SS18L1: variants seen among roughly 807,000 people sequenced by gnomAD.
SS18L1 encodes SS18L1 subunit of BAF chromatin remodeling complex.
In SS18L1, 32 loss-of-function variants were observed where a neutral mutation model predicts 70.3. The ratio of observed to expected loss-of-function variants is 0.46; its 90% CI spans 0.34 to 0.61. SS18L1 has a LOEUF of 0.61. Among genes scored for constraint, SS18L1 ranks in the 20% least tolerant of loss-of-function variants. SS18L1 has a pLI of 0.01. For synonymous variants in SS18L1, 237 were observed against 229.7 expected (o/e 1.03, Z -0.29); for missense variants, 430 against 542.1 (o/e 0.79, Z 2.05).
At position 62,179,248 on chromosome 20, in the gene SS18L1, TCATCC is replaced by T. The variant is rs1464809702; in HGVS notation, c.*41_*45del. On this transcript the variant is annotated 3_prime_UTR_variant, in exon 11 of 11. Transcript: ENST00000331758. ...GGCTGGAGCCCTTGTGGTAGCGTGT[TCATCC>T]AGGGGCCGGATGGGCTGGCGGCAGC... is the stretch of plus-strand genomic sequence containing the variant. The T allele has an allele frequency of 6.2e-7, 1 of 1,613,592 alleles. No individual in the cohort carries two copies. The highest frequency in any genetic ancestry group is 8.5e-7 in the Non-Finnish European group (1 of 1,179,522).
intron 9 of SS18L1, among the ~76,000 whole-genome samples, chr20:62,173,274 G>A (rs1379090322): frequency 6.6e-6 from 1 of 152,164 alleles, no homozygotes; most frequent in Non-Finnish European, 1.5e-5. Context: ...GAAAAATAAG[G>A]TGTGGGCTGC....
At chr20:62,145,874 C>T (rs1478506723) in intron 1 of SS18L1, among the ~76,000 whole-genome samples, 3 of 152,204 alleles carry the variant, frequency 2.0e-5, no homozygotes, top group Non-Finnish European at 4.4e-5. Context: ...CAGACGTGTG[C>T]TGTGTCCACA....
chr20:62,155,211 G>A (rs2057201463), intron 1 of SS18L1, among the ~76,000 whole-genome samples: 1 of 152,070 alleles, frequency 6.6e-6, no homozygotes, highest in East Asian at 1.9e-4. Context: ...GACCAGCCTG[G>A]GCAACACAGG....
chr20:62,160,299 AGGTGGGGTGG>A (rs1261457622), intron 3 of SS18L1, among the ~76,000 whole-genome samples: 1 of 59,478 alleles, frequency 1.7e-5, no homozygotes, highest in African/African-American at 1.1e-4. Context: ...GGGTGGGGAG[AGGTGGGGTGG>A]GGTGGGGAGA....
At chr20:62,178,109 T>C (rs1038130918) in intron 10 of SS18L1, among the ~76,000 whole-genome samples, 1 of 134,156 alleles carries the variant, frequency 7.5e-6, no homozygotes, top group Non-Finnish European at 1.6e-5. Flanking sequence ...AGCCTCAACC[T>C]CCGGGGCATG....
Position 62,159,725 on chromosome 20 carries a change from C to A in SS18L1, c.147-152C>A. The A allele has an allele frequency of 1.4e-6, 1 of 706,994 alleles. No individual in the cohort carries two copies. Among genetic ancestry groups the A allele is most frequent in the Non-Finnish European group, 2.3e-6 (1 of 434,170 alleles). 43.8% of individuals were successfully genotyped at this position (706,994 alleles called of 1,614,324 possible). A position where few individuals can be genotyped will look rare whatever the true frequency, so the allele number is the denominator to read the frequency against. ...GAGACCCCAGCACCCTGCCACCTGC[C>A]TGTGTCCAGCTGGGTGTCATCTGGG... On this transcript the variant is annotated intron_variant, in intron 2 of 10. Transcript: ENST00000331758. This position sits in a 1 kb window ranked among gnomAD's most constrained non-coding sequence, Gnocchi z 4.4.
intron 1 of SS18L1, among the ~76,000 whole-genome samples, chr20:62,148,175 GA>G (rs1442386946): frequency 6.6e-6 from 1 of 152,262 alleles, no homozygotes. Flanking sequence ...CCTCATTCCG[GA>G]GCCTGGGCTC....
At chr20:62,167,815 C>CTTT (rs371641183) in intron 8 of SS18L1, among the ~76,000 whole-genome samples, 1 of 144,516 alleles carries the variant, frequency 6.9e-6, no homozygotes, top group Non-Finnish European at 1.5e-5. Flanking sequence ...GATGTAGCTA[C>CTTT]TTTTTTTTTT....
chr20:62,169,154 G>A (rs896076350), intron 8 of SS18L1, among the ~76,000 whole-genome samples: 1 of 152,236 alleles, frequency 6.6e-6, no homozygotes, highest in Non-Finnish European at 1.5e-5. Flanking sequence ...AGCCCCTCGT[G>A]ACCTGGCATC....
chr20:62,176,776 G>A (rs1009941760), intron 10 of SS18L1, among the ~76,000 whole-genome samples: 1 of 149,988 alleles, frequency 6.7e-6, no homozygotes, highest in East Asian at 1.9e-4. Context: ...CAGCCTGGGC[G>A]ACAGAGAGAC....
chr20:62,164,686 C>T lies in SS18L1; in HGVS notation c.823+440C>T, dbSNP rs112976899. ...TCATCTCTGCAGAGTATTTTACCGT[C>T]GTCACCTTTCAGTCTTTGCATAGTC... On this transcript the variant is annotated intron_variant, in intron 7 of 10. Coordinates refer to ENST00000331758, the MANE Select transcript of SS18L1 (RefSeq NM_198935.3). 4.7e-4 allele frequency among the ~76,000 whole-genome samples: 72 copies of T among 152,298 alleles called. 1 individual carries two copies. The highest frequency in any genetic ancestry group is 3.4e-3 in the Middle Eastern group (1 of 294).
At chr20:62,144,277 G>T (rs2056980649) in intron 1 of SS18L1, among the ~76,000 whole-genome samples, 1 of 152,220 alleles carries the variant, frequency 6.6e-6, no homozygotes, top group Non-Finnish European at 1.5e-5. Flanking sequence ...CGGGGCCGGA[G>T]CCGCGGCGAG....
At chr20:62,165,542 C>T (rs376044665) in intron 8 of SS18L1, 28 bp downstream of exon 8, 22 of 1,275,144 alleles carry the variant, frequency 1.7e-5, no homozygotes, top group Admixed American at 1.6e-4. Context: ...GTGCTGGGCT[C>T]GAGCGTAAGC....
chr20:62,182,017 A>G lies in SS18L1; in HGVS notation c.*2809A>G, dbSNP rs1026669878. On this transcript the variant is annotated 3_prime_UTR_variant, in exon 11 of 11. Transcript: ENST00000331758. ...ATTGGTATGCAAAAGCTCATCACCCATTAAGGTTTGTTGTTGAATCAACAG... is the reference window on the plus strand; with the variant it reads ...ATTGGTATGCAAAAGCTCATCACCCGTTAAGGTTTGTTGTTGAATCAACAG... 4.4e-6 allele frequency: 1 copy of G among 229,228 alleles called. No individual in the cohort carries two copies. Among genetic ancestry groups the G allele is most frequent in the South Asian group, 1.8e-4 (1 of 5,494 alleles). The allele number at this position is 229,228 out of a possible 1,614,324, so 14.2% of individuals were successfully genotyped here. A position where few individuals can be genotyped will look rare whatever the true frequency, so the allele number is the denominator to read the frequency against.
chr20:62,164,251 G>A lies in SS18L1; in HGVS notation c.823+5G>A. 6.5e-7 allele frequency: 1 copy of A among 1,545,470 alleles called. No homozygotes were observed. The highest frequency in any genetic ancestry group is 8.7e-7 in the Non-Finnish European group (1 of 1,144,590). ...GCCAGCAGTACTACCCCGACGGTGA[G>A]CACTGGCGGCGGCCTGACCCCGCCC... On this transcript the variant is annotated splice_donor_5th_base_variant and intron_variant, in intron 7 of 10. Transcript: ENST00000331758.
chr20:62,160,022 T>G, intron 3 of SS18L1, 61 bp downstream of exon 3: 1 of 1,509,408 alleles, frequency 6.6e-7, no homozygotes, highest in Non-Finnish European at 9.0e-7. Context: ...CTGCCTAAGA[T>G]CGGAATTGTG....
At position 62,158,148 on chromosome 20, in the gene SS18L1, C is replaced by T. The variant is rs2057256830; in HGVS notation, c.70-524C>T. On this transcript the variant is annotated intron_variant, in intron 1 of 10. Transcript: ENST00000331758. This position sits in a 1 kb window ranked among gnomAD's most constrained non-coding sequence, Gnocchi z 4.5. ...AGGGTCCTGACATCCTTGCCATCGG[C>T]TTGGCTGACCCTTGCTGCACAGATG... 6.6e-6 allele frequency among the ~76,000 whole-genome samples: 1 copy of T among 152,150 alleles called. No individual in the cohort carries two copies. The highest frequency in any genetic ancestry group is 2.4e-5 in the African/African-American group (1 of 41,420).
chr20:62,170,916 T>G (rs2057520328), intron 8 of SS18L1, among the ~76,000 whole-genome samples: 1 of 152,052 alleles, frequency 6.6e-6, no homozygotes, highest in South Asian at 2.1e-4. Context: ...GTTTATGTTT[T>G]TTTGAGATGG....
intron 1 of SS18L1, among the ~76,000 whole-genome samples, chr20:62,144,795 C>T (rs1422118829): frequency 6.6e-6 from 1 of 152,260 alleles, no homozygotes; most frequent in Non-Finnish European, 1.5e-5. Context: ...TAGCCATACC[C>T]GTTTCAGTTG....
Sources: gnomAD v4.1 joint callset for allele counts (sites outside exome capture counted in the v4.1 genomes callset) on GRCh38, gnomAD v4.1.1 for gene constraint, Gnocchi (gnomAD v3.1) non-coding constraint, MANE v1.5 for transcripts, NCBI Gene and HGNC (gene_info 2026-07-23, HGNC 2026-07-21) for gene names.